Variants in PACRG observed in about 807,000 individuals in gnomAD.
The protein encoded by PACRG is parkin coregulated, also known as parkin coregulated gene protein.
Under a neutral mutation model 29.7 loss-of-function variants are expected in PACRG, and 29 were observed. The ratio of observed to expected loss-of-function variants is 0.98; its 90% CI spans 0.73 to 1.33. The LOEUF is 1.33. Among genes scored for constraint, PACRG ranks in the 40% most tolerant of loss-of-function variants. PACRG has a pLI of 0.00. For synonymous variants in PACRG, 116 were observed against 118.7 expected, an observed-to-expected ratio of 0.98 and a Z score of 0.15; for missense variants, 279 against 316.2, an observed-to-expected ratio of 0.88 and a Z score of 0.89.
intron 3 of PACRG, among the ~76,000 whole-genome samples, chr6:163,084,355 A>G (rs115189807): frequency 0.014 from 2,190 of 152,328 alleles, 46 homozygotes; most frequent in African/African-American, 0.051. Context: ...TTTTGCTTTA[A>G]TTCCGCTGTG....
chr6:162,829,763 G>T (rs1338335145), intron 2 of PACRG, among the ~76,000 whole-genome samples: 2 of 152,096 alleles, frequency 1.3e-5, no homozygotes, highest in African/African-American at 2.4e-5. Flanking sequence ...CACATATGAG[G>T]GTCTTATGAC....
chr6:163,139,315 C>T (rs1337085135), intron 4 of PACRG, among the ~76,000 whole-genome samples: 3 of 152,060 alleles, frequency 2.0e-5, no homozygotes, highest in African/African-American at 7.3e-5. Flanking sequence ...GAATGTAAGG[C>T]CCATCTGGGT....
At position 162,814,293 on chromosome 6, in the gene PACRG, C is replaced by A. The variant is rs1787140185; in HGVS notation, c.291+12C>A. ...AAATCGCCTGGAAGGTAAGTCAGGG[C>A]ACAGCTGTGCCGGCCAGCTGCACCC... On this transcript the variant is annotated intron_variant, in intron 2 of 4. Coordinates refer to ENST00000366888, the MANE Select transcript of PACRG (RefSeq NM_001080379.2). 6 of 1,612,514 alleles carry A rather than the reference C, an allele frequency of 3.7e-6. No individual in the cohort carries two copies. The South Asian group carries it at 4.4e-5, about 12-fold the overall frequency.
chr6:162,959,245 T>C (rs1800407716), intron 2 of PACRG, among the ~76,000 whole-genome samples: 1 of 151,812 alleles, frequency 6.6e-6, no homozygotes, highest in South Asian at 2.1e-4. Context: ...AGCGGGTGTA[T>C]TGGAAGACAA....
At chr6:163,218,060 C>T (rs1781432275) in intron 4 of PACRG, among the ~76,000 whole-genome samples, 1 of 152,106 alleles carries the variant, frequency 6.6e-6, no homozygotes, top group African/African-American at 2.4e-5. Flanking sequence ...GGGCCCCTGC[C>T]CTAGGAAATT....
intron 2 of PACRG, among the ~76,000 whole-genome samples, chr6:162,996,323 C>T (rs890691719): frequency 6.6e-6 from 1 of 152,068 alleles, no homozygotes; most frequent in Non-Finnish European, 1.5e-5. Context: ...AAAAAGGGGT[C>T]ATTACTGGCA....
rs116864871 is a variant in PACRG at position 162,999,510 on chromosome 6, C to A, written c.292-62640C>A. The stretch of plus-strand genomic sequence containing the variant: ...TACAAGATTGGATAGTTGCTGCCCA[C>A]CTAACTCTTCAGACCCTCAACCAAT... On this transcript the variant is annotated intron_variant, in intron 2 of 4. Coordinates refer to ENST00000366888, the MANE Select transcript of PACRG (RefSeq NM_001080379.2). Among the ~76,000 whole-genome samples, 49 of 152,302 alleles carry A rather than the reference C, an allele frequency of 3.2e-4. No homozygotes were observed. In the East Asian group the frequency reaches 8.7e-3, roughly 27 times the overall value.
intron 4 of PACRG, among the ~76,000 whole-genome samples, chr6:163,261,413 GCCCCCCA>G (rs1459645196): frequency 6.6e-6 from 1 of 151,436 alleles, no homozygotes; most frequent in Non-Finnish European, 1.5e-5. Flanking sequence ...CCCTCCCCTT[GCCCCCCA>G]CCCCCTGAGG....
At chr6:163,191,956 T>A (rs1472602810) in intron 4 of PACRG, 1 of 338,668 alleles carries the variant, frequency 3.0e-6, no homozygotes, top group Non-Finnish European at 5.9e-6. Flanking sequence ...TGACCAGCGG[T>A]GCTATCTACG....
chr6:162,887,546 T>C (rs943832720), intron 2 of PACRG, among the ~76,000 whole-genome samples: 22 of 152,228 alleles, frequency 1.4e-4, no homozygotes, highest in Admixed American at 3.9e-4. Context: ...GTAATACTTA[T>C]GTGGACACGT....
At chr6:162,775,972 A>G (rs2128308031) in intron 1 of PACRG, among the ~76,000 whole-genome samples, 1 of 152,320 alleles carries the variant, frequency 6.6e-6, no homozygotes, top group Middle Eastern at 3.4e-3. Context: ...CTTGAAGCTG[A>G]TATAACTTGG....
chr6:162,899,547 G>A (rs747783393), intron 2 of PACRG, among the ~76,000 whole-genome samples: 5 of 152,138 alleles, frequency 3.3e-5, no homozygotes, highest in East Asian at 1.9e-4. Context: ...GGGAAGCACC[G>A]GGCAGGAAGC....
intron 2 of PACRG, among the ~76,000 whole-genome samples, chr6:162,860,300 T>C (rs1791757920): frequency 6.6e-6 from 1 of 152,198 alleles, no homozygotes; most frequent in Admixed American, 6.5e-5. Context: ...TAATTTAAAG[T>C]TAAAAGGCCT....
intron 2 of PACRG, among the ~76,000 whole-genome samples, chr6:163,004,541 C>G (rs568853998): frequency 2.6e-5 from 4 of 151,338 alleles, no homozygotes; most frequent in Non-Finnish European, 5.9e-5. Context: ...CACTCACTAT[C>G]AGGAGAACAG....
At chr6:163,096,508 C>T (rs1430340602) in intron 4 of PACRG, among the ~76,000 whole-genome samples, 4 of 147,690 alleles carry the variant, frequency 2.7e-5, no homozygotes, top group Non-Finnish European at 5.9e-5. Flanking sequence ...GCAAAGGCTC[C>T]GGCTGCAGTT....
rs113423571 is a variant in PACRG, at chr6:162,807,808, C to T, written c.157-6339C>T. Among the ~76,000 whole-genome samples the T allele has an allele frequency of 1.4e-3, 218 of 152,214 alleles. 4 individuals are homozygous for T. Among genetic ancestry groups the T allele is most frequent in the African/African-American group, 4.8e-3 (201 of 41,552 alleles). On this transcript the variant is annotated intron_variant, in intron 1 of 4. Coordinates refer to ENST00000366888, the MANE Select transcript of PACRG (RefSeq NM_001080379.2). ...TACACAATGCTAGGTTGCCACAGAC[C>T]TTCAATTTACTAAATAAACACAATA...
chr6:162,790,211 G>A (rs1297032696), intron 1 of PACRG, among the ~76,000 whole-genome samples: 2 of 152,144 alleles, frequency 1.3e-5, no homozygotes, highest in African/African-American at 2.4e-5. Flanking sequence ...TGAATGCAGC[G>A]TGGCTGGATT....
chr6:162,804,928 A>G lies in PACRG; in HGVS notation c.157-9219A>G, dbSNP rs766065495. Among the ~76,000 whole-genome samples the G allele has an allele frequency of 1.3e-3, 197 of 152,270 alleles. 4 individuals carry two copies. The highest frequency in any genetic ancestry group is 4.7e-4 in the Non-Finnish European group (32 of 68,016). ...ATACAGTGTACTTACACAAACTTAG[A>G]TGGTATTGCCTACTACACACCTAGA... On this transcript the variant is annotated intron_variant, in intron 1 of 4. Transcript: ENST00000366888.
chr6:163,214,297 A>G (rs2128156294), intron 4 of PACRG, among the ~76,000 whole-genome samples: 2 of 152,240 alleles, frequency 1.3e-5, no homozygotes, highest in Middle Eastern at 6.8e-3. Context: ...TGGACAGCAG[A>G]GTTTTATTAT....
Sources: allele counts gnomAD v4.1 joint callset (sites outside exome capture counted in the v4.1 genomes callset), GRCh38; gene constraint gnomAD v4.1.1; transcripts MANE v1.5; gene names NCBI Gene and HGNC (gene_info 2026-07-23, HGNC 2026-07-21).